Variants in DIS3L observed in about 807,000 individuals in gnomAD.
DIS3L encodes DIS3 like exosome 3'-5' exoribonuclease.
In DIS3L, 100 loss-of-function variants were observed where a neutral mutation model predicts 120.3. That is an observed-to-expected ratio of 0.83 (90% CI 0.71 to 0.98). The LOEUF is 0.98. DIS3L is among the 50% of genes least tolerant of loss of function. DIS3L has a pLI of 0.00. For missense variants in DIS3L, 1,196 were observed against 1,314.2 expected (o/e 0.91, Z 1.39); for synonymous variants, 426 against 470.6 (o/e 0.91, Z 1.23).
rs750863963 is a variant in DIS3L at position 66,333,030 on chromosome 15, T to C, written c.2883T>C (p.Arg961=). The change falls in exon 17 of 17, where the codon CGT becomes CGC. Residue 961 remains arginine, a synonymous_variant. Coordinates refer to ENST00000319212, the MANE Select transcript of DIS3L (RefSeq NM_001143688.3). ...VTVRISIQAS[R]CHSDTIRLEI... ...TAAGAATATCCATACAGGCCTCACG[T>C]TGCCATTCTGATACAATCAGACTTG... is the stretch of plus-strand genomic sequence containing the variant. The C allele has an allele frequency of 1.4e-5, 22 of 1,612,818 alleles. No individual in the cohort carries two copies. The East Asian group carries it at 4.9e-4, about 36-fold the overall frequency.
In DIS3L at chr15:66,325,926, T is replaced by C. The variant is rs2092930993; in HGVS notation, c.1763T>C (p.Leu588Pro). ...ACCATTATTCGATCAGCATACAAAC[T>C]GTTCTATGAAGCAGCCCAAGAACTA... ...GRTIIRSAYK[L>P]FYEAAQELLD... Residue 588 changes from leucine (L) to proline (P), a missense_variant, in exon 12 of 17, where the codon CTG becomes CCG. By Grantham distance (98) the Leu-to-Pro change is moderately conservative. Transcript: ENST00000319212. 3.1e-6 allele frequency: 5 copies of C among 1,614,202 alleles called. No homozygotes were observed. Among genetic ancestry groups the C allele is most frequent in the Non-Finnish European group, 4.2e-6 (5 of 1,180,044 alleles).
At chr15:66,307,782 T>TGAGATG (rs571396817) in intron 3 of DIS3L, among the ~76,000 whole-genome samples, 2,027 of 149,426 alleles carry the variant, frequency 0.014, 19 homozygotes, top group Middle Eastern at 0.031. Context: ...GCGGGGAGAG[T>TGAGATG]GAGATGGAGA....
In DIS3L at chr15:66,308,783, A is replaced by G; in HGVS notation, c.497A>G (p.Asp166Gly). Residue 166 changes from aspartate to glycine, a missense_variant, in exon 4 of 17, where the codon GAT becomes GGT. Asp to Gly is a moderately conservative substitution (Grantham distance 94). Coordinates refer to ENST00000319212, the MANE Select transcript of DIS3L (RefSeq NM_001143688.3). Reference sequence around the variant, plus strand: ...ATGCCAATTGTTATGGTGACAGAAGATGAAGAGGCAATTCAGCAGTATGGA... The same window carrying G: ...ATGCCAATTGTTATGGTGACAGAAGGTGAAGAGGCAATTCAGCAGTATGGA... ...DRMPIVMVTE[D>G]EEAIQQYGSE... 1 of 1,613,764 alleles carries G rather than the reference A, an allele frequency of 6.2e-7. No individual in the cohort carries two copies. Among genetic ancestry groups the G allele is most frequent in the South Asian group, 1.1e-5 (1 of 91,036 alleles).
chr15:66,303,612 ACTT>A (rs2092670202), intron 2 of DIS3L, among the ~76,000 whole-genome samples: 3 of 152,290 alleles, frequency 2.0e-5, no homozygotes, highest in South Asian at 2.1e-4. Context: ...GGGAATAAAA[ACTT>A]CTAGGGGACA....
chr15:66,309,253 A>G (rs1237382197), intron 4 of DIS3L, among the ~76,000 whole-genome samples: 2 of 150,384 alleles, frequency 1.3e-5, no homozygotes, highest in African/African-American at 4.9e-5. Context: ...CCCTGTCTCA[A>G]CAAATGAAGT....
chr15:66,307,040 T>C lies in DIS3L; in HGVS notation c.422+88T>C, dbSNP rs941222725. On this transcript the variant is annotated intron_variant, in intron 3 of 16. Transcript: ENST00000319212. ...TGTTTGGGAGTTGATCTAAATAGTC[T>C]GCTAGAACAAACCAACAATTATTCT... is the stretch of plus-strand genomic sequence containing the variant. The C allele has an allele frequency of 1.3e-5, 20 of 1,522,984 alleles. No homozygotes were observed. The South Asian group carries it at 2.4e-4, about 19-fold the overall frequency. The allele number at this position is 1,522,984 out of a possible 1,614,324, so 94.3% of individuals were successfully genotyped here. A position where few individuals can be genotyped will look rare whatever the true frequency, so the allele number is the denominator to read the frequency against.
chr15:66,294,515 C>T, intron 1 of DIS3L: 1 of 988,872 alleles, frequency 1.0e-6, no homozygotes, highest in Non-Finnish European at 1.2e-6. Flanking sequence ...AACCTCACCT[C>T]TGCACGTTGC....
rs183855198 is a variant in DIS3L at position 66,294,873 on chromosome 15, C to T, written c.140-115C>T. 34 of 1,100,330 alleles carry T rather than the reference C, an allele frequency of 3.1e-5. No individual in the cohort carries two copies. The South Asian group carries it at 4.2e-4, about 14-fold the overall frequency. 68.2% of individuals were successfully genotyped at this position (1,100,330 alleles called of 1,614,324 possible). ...CCAAAGTAGATTTGTCTTTTAAAAA[C>T]TCCCACCATGGAGTTAAGACTGGAA... On this transcript the variant is annotated intron_variant, in intron 1 of 16. Coordinates refer to ENST00000319212, the MANE Select transcript of DIS3L (RefSeq NM_001143688.3).
chr15:66,325,679 C>G, intron 11 of DIS3L, 152 bp from the exon 12 acceptor site: 2 of 861,884 alleles, frequency 2.3e-6, no homozygotes, highest in Non-Finnish European at 3.4e-6. Context: ...GAGAATTGCT[C>G]AAGTCCAGGA....
chr15:66,296,512 CTTTTTTT>C (rs3082898), intron 2 of DIS3L, among the ~76,000 whole-genome samples: 1 of 133,884 alleles, frequency 7.5e-6, no homozygotes, highest in African/African-American at 2.8e-5. Context: ...AAAAAGAAGT[CTTTTTTT>C]TTTTTTTTTT....
intron 4 of DIS3L, among the ~76,000 whole-genome samples, chr15:66,309,094 A>ATATATATATATATAT (rs1555401896): frequency 6.5e-5 from 1 of 15,320 alleles, no homozygotes; most frequent in Non-Finnish European, 1.2e-4. Context: ...AAAAAAAAAA[A>ATATATATATATATAT]ATATATATAT....
At chr15:66,325,690 G>C in intron 11 of DIS3L, 141 bp from the exon 12 acceptor site, 1 of 967,090 alleles carries the variant, frequency 1.0e-6, no homozygotes, top group South Asian at 1.9e-5. Flanking sequence ...AAGTCCAGGA[G>C]ATTGAGGCAG....
chr15:66,308,787 A>C lies in DIS3L; in HGVS notation c.501A>C (p.Glu167Asp). The change falls in exon 4 of 17, where the codon GAA becomes GAC. Residue 167 changes from glutamate to aspartate, a missense_variant. Coordinates refer to ENST00000319212, the MANE Select transcript of DIS3L (RefSeq NM_001143688.3). ...RMPIVMVTED[E>D]EAIQQYGSET... ...CAATTGTTATGGTGACAGAAGATGA[A>C]GAGGCAATTCAGCAGTATGGAAGTG... 6.2e-7 allele frequency: 1 copy of C among 1,613,790 alleles called. No homozygotes were observed. Among genetic ancestry groups the C allele is most frequent in the Non-Finnish European group, 8.5e-7 (1 of 1,179,852 alleles).
At position 66,326,304 on chromosome 15, in the gene DIS3L, A is replaced by T. The variant is rs2092937457; in HGVS notation, c.2141A>T (p.Gln714Leu). 1 of 1,614,170 alleles carries T rather than the reference A, an allele frequency of 6.2e-7. No homozygotes were observed. The highest frequency in any genetic ancestry group is 8.5e-7 in the Non-Finnish European group (1 of 1,180,022). ...CTGCGCCAGCACCCTCCTCCACACC[A>T]GGAGTTCTTTTCAGAACTCCGGGAA... ...ALLRQHPPPH[Q>L]EFFSELRECA... Residue 714 changes from glutamine to leucine, a missense_variant, in exon 12 of 17, where the codon CAG (glutamine) becomes CTG (leucine). Gln to Leu is a moderately radical substitution (Grantham distance 113). Transcript: ENST00000319212.
intron 5 of DIS3L, 124 bp from the exon 6 acceptor site, chr15:66,313,915 G>T (rs1412677055): frequency 6.3e-6 from 4 of 634,210 alleles, no homozygotes; most frequent in Non-Finnish European, 8.0e-6. Context: ...TTCCTAAAGG[G>T]ATCACAAACC....
intron 7 of DIS3L, among the ~76,000 whole-genome samples, chr15:66,317,409 G>A (rs2092830793): frequency 6.6e-6 from 1 of 151,518 alleles, no homozygotes; most frequent in South Asian, 2.1e-4. Flanking sequence ...CTCGGCTTCA[G>A]TCAGTGATGA....
intron 1 of DIS3L, chr15:66,294,362 C>T: frequency 1.0e-6 from 1 of 985,562 alleles, no homozygotes; most frequent in Non-Finnish European, 1.2e-6. Flanking sequence ...ATGCACGTTA[C>T]TGGCTCTCTT....
chr15:66,293,777 G>T, intron 1 of DIS3L, 42 bp downstream of exon 1: 2 of 1,149,254 alleles, frequency 1.7e-6, no homozygotes, highest in South Asian at 4.3e-5. Flanking sequence ...CGGCGGGAGC[G>T]GGCGGCCGCA....
chr15:66,332,255 G>C (rs1051954506), intron 15 of DIS3L, among the ~76,000 whole-genome samples: 1 of 152,044 alleles, frequency 6.6e-6, no homozygotes, highest in African/African-American at 2.4e-5. Flanking sequence ...TCAGGAGTTC[G>C]AGACCAGCCT....
Sources: allele counts gnomAD v4.1 joint callset (sites outside exome capture counted in the v4.1 genomes callset), GRCh38; gene constraint gnomAD v4.1.1; transcripts MANE v1.5; gene names NCBI Gene and HGNC (gene_info 2026-07-23, HGNC 2026-07-21).